MAP7: variants seen among roughly 807,000 people sequenced by gnomAD.
The protein encoded by MAP7 is ensconsin.
In MAP7, 52 loss-of-function variants were observed where a neutral mutation model predicts 94.8. The observed-to-expected ratio is 0.55, with a 90% CI of 0.44 to 0.69. The LOEUF is 0.69. Ranked by LOEUF, MAP7 falls within the 30% of genes least tolerant of loss-of-function variation. The pLI is 0.00. For missense variants in MAP7, 940 were observed against 964.6 expected, an observed-to-expected ratio of 0.97 and a Z score of 0.34; for synonymous variants, 350 against 357.0, an observed-to-expected ratio of 0.98 and a Z score of 0.22.
chr6:136,437,171 G>A (rs1181915689), intron 1 of MAP7, among the ~76,000 whole-genome samples: 2 of 152,176 alleles, frequency 1.3e-5, no homozygotes, highest in Non-Finnish European at 2.9e-5. Flanking sequence ...TGAAGCAGGC[G>A]TGAAGGTGGC....
At chr6:136,441,486 T>C (rs1008377435) in intron 1 of MAP7, among the ~76,000 whole-genome samples, 1 of 152,254 alleles carries the variant, frequency 6.6e-6, no homozygotes, top group African/African-American at 2.4e-5. Context: ...GTATGTCTAA[T>C]GATTGTATCT....
At chr6:136,531,978 C>T (rs1828506545) in intron 1 of MAP7, among the ~76,000 whole-genome samples, 5 of 151,572 alleles carry the variant, frequency 3.3e-5, no homozygotes, top group Admixed American at 3.3e-4. Flanking sequence ...ATGAGCTATA[C>T]TTAGACAGGA....
chr6:136,502,000 C>T (rs893040066), intron 1 of MAP7, among the ~76,000 whole-genome samples: 2 of 152,160 alleles, frequency 1.3e-5, no homozygotes, highest in Non-Finnish European at 2.9e-5. Flanking sequence ...GTATTTGCCA[C>T]TAGATTCCAA....
chr6:136,448,200 A>G (rs950033680), intron 1 of MAP7, among the ~76,000 whole-genome samples: 1 of 151,826 alleles, frequency 6.6e-6, no homozygotes, highest in African/African-American at 2.4e-5. Flanking sequence ...TCAAAAAATA[A>G]AAAAAAAGAA....
chr6:136,405,977 A>C (rs1288990921), intron 3 of MAP7, among the ~76,000 whole-genome samples: 1 of 152,208 alleles, frequency 6.6e-6, no homozygotes, highest in African/African-American at 2.4e-5. Flanking sequence ...TTTTCACTTC[A>C]ATACTCCAGC....
rs1264227208 is a variant in MAP7, at chr6:136,375,818, TG to T, written c.751+1936del. Among the ~76,000 whole-genome samples, 4 of 152,102 alleles carry T rather than the reference TG, an allele frequency of 2.6e-5. No homozygotes were observed. In the East Asian group the frequency reaches 7.7e-4, roughly 29 times the overall value. On this transcript the variant is annotated intron_variant, in intron 7 of 17. Coordinates refer to ENST00000354570, the MANE Select transcript of MAP7 (RefSeq NM_003980.6). ...ACTTGTGAAAAGGAGAATGGAAATG[TG>T]TCAAAATAAAGAGCCGGTTTGCAGA...
intron 2 of MAP7, 43 bp from the exon 3 acceptor site, chr6:136,411,740 A>G: frequency 3.1e-6 from 2 of 640,738 alleles, no homozygotes; most frequent in African/African-American, 3.8e-5. Flanking sequence ...AGAGTGGATT[A>G]AAAAAAAAAA....
At chr6:136,415,092 A>G (rs1014441950) in intron 2 of MAP7, among the ~76,000 whole-genome samples, 2 of 152,058 alleles carry the variant, frequency 1.3e-5, no homozygotes, top group African/African-American at 2.4e-5. Flanking sequence ...AGCGTGAGCC[A>G]CCATGCCCGA....
At chr6:136,505,723 A>G (rs1821320982) in intron 1 of MAP7, among the ~76,000 whole-genome samples, 1 of 152,082 alleles carries the variant, frequency 6.6e-6, no homozygotes, top group Non-Finnish European at 1.5e-5. Flanking sequence ...AACACCCGTG[A>G]CACAAGTTTA....
chr6:136,397,579 A>G (rs916944232), intron 3 of MAP7, among the ~76,000 whole-genome samples: 1 of 132,838 alleles, frequency 7.5e-6, no homozygotes, highest in Admixed American at 9.2e-5. Context: ...GACCTTTAGG[A>G]GGTAATTAAG....
chr6:136,389,307 G>T, intron 4 of MAP7, 47 bp downstream of exon 4: 2 of 1,502,960 alleles, frequency 1.3e-6, no homozygotes, highest in South Asian at 1.4e-5. Context: ...TTTGCTGCAT[G>T]TCTGAACTAG....
At chr6:136,410,581 A>C (rs186985323) in intron 3 of MAP7, among the ~76,000 whole-genome samples, 2 of 152,358 alleles carry the variant, frequency 1.3e-5, no homozygotes, top group East Asian at 3.9e-4. Flanking sequence ...CCAGTAAGCA[A>C]ATGAAATCTA....
At chr6:136,472,276 G>C (rs1809282253) in intron 1 of MAP7, among the ~76,000 whole-genome samples, 1 of 152,136 alleles carries the variant, frequency 6.6e-6, no homozygotes, top group Non-Finnish European at 1.5e-5. Flanking sequence ...CACTGATACA[G>C]AGGATTAATG....
At chr6:136,510,094 C>T (rs542540878) in intron 1 of MAP7, among the ~76,000 whole-genome samples, 1 of 152,026 alleles carries the variant, frequency 6.6e-6, no homozygotes, top group African/African-American at 2.4e-5. Context: ...CCCTGCCACT[C>T]GGGAGGCTGA....
chr6:136,449,016 A>AG (rs1195632650), intron 1 of MAP7, among the ~76,000 whole-genome samples: 3 of 92,694 alleles, frequency 3.2e-5, no homozygotes, highest in East Asian at 6.2e-4. Context: ...AAAAAAAAAA[A>AG]AAAAGAAGCA....
intron 1 of MAP7, among the ~76,000 whole-genome samples, chr6:136,434,857 G>A (rs555128811): frequency 4.6e-5 from 7 of 152,348 alleles, no homozygotes; most frequent in Non-Finnish European, 1.0e-4. Flanking sequence ...GGTCGGAGGA[G>A]AGGCTGACTG....
chr6:136,411,540 T>C (rs1045402352), intron 3 of MAP7, 80 bp downstream of exon 3: 1 of 1,203,008 alleles, frequency 8.3e-7, no homozygotes, highest in Non-Finnish European at 1.2e-6. Flanking sequence ...ATCTGTAAAA[T>C]TCATAAAGGT....
At position 136,362,438 on chromosome 6, in the gene MAP7, T is replaced by A. The variant is rs1381807461; in HGVS notation, c.1526+12A>T. Reference sequence around the variant, plus strand: ...ACTGACACCATGGTGTGGAGCAATGTCTCCCATTTACCTTTCAAGCTCTTC... The same window carrying A: ...ACTGACACCATGGTGTGGAGCAATGACTCCCATTTACCTTTCAAGCTCTTC... On this transcript the variant is annotated intron_variant, in intron 11 of 17. Coordinates refer to ENST00000354570, the MANE Select transcript of MAP7 (RefSeq NM_003980.6). 3 of 1,612,912 alleles carry A rather than the reference T, an allele frequency of 1.9e-6. No individual in the cohort carries two copies.
At chr6:136,543,380 G>A (rs903030841) in intron 1 of MAP7, among the ~76,000 whole-genome samples, 1 of 152,166 alleles carries the variant, frequency 6.6e-6, no homozygotes, top group African/African-American at 2.4e-5. Context: ...TGGGTGCAGC[G>A]GCTCACGCCT....
Sources: allele counts gnomAD v4.1 joint callset (sites outside exome capture counted in the v4.1 genomes callset), GRCh38; gene constraint gnomAD v4.1.1; transcripts MANE v1.5; gene names NCBI Gene and HGNC (gene_info 2026-07-23, HGNC 2026-07-21).